FAM107B: variants seen among roughly 807,000 people sequenced by gnomAD.
FAM107B encodes family with sequence similarity 107 member B, also known as protein FAM107B.
FAM107B carries 21 observed loss-of-function variants against 31.5 expected under a neutral mutation model. The observed-to-expected ratio is 0.67, with a 90% confidence interval of 0.47 to 0.96. The LOEUF is 0.96. Among genes scored for constraint, FAM107B ranks in the 40% least tolerant of loss-of-function variants. The pLI is 0.00. For missense variants in FAM107B, 452 were observed against 377.1 expected (o/e 1.20, Z -1.64); for synonymous variants, 157 against 141.5 (o/e 1.11, Z -0.78).
At chr10:14,551,684 A>G (rs1437065729) in intron 2 of FAM107B, among the ~76,000 whole-genome samples, 1 of 116,356 alleles carries the variant, frequency 8.6e-6, no homozygotes, top group African/African-American at 3.1e-5. Flanking sequence ...AAAATGTATT[A>G]GCTCTGGAAA....
At chr10:14,641,228 A>G (rs996750830) in intron 2 of FAM107B, among the ~76,000 whole-genome samples, 1 of 152,254 alleles carries the variant, frequency 6.6e-6, no homozygotes, top group African/African-American at 2.4e-5. Flanking sequence ...TAACAGCTAC[A>G]ATTTCCAAGC....
intron 1 of FAM107B, among the ~76,000 whole-genome samples, chr10:14,745,050 A>G (rs546727090): frequency 2.6e-5 from 4 of 152,338 alleles, no homozygotes; most frequent in African/African-American, 9.6e-5. Context: ...ATATGTGTCC[A>G]GGAATTTATC....
intron 1 of FAM107B, among the ~76,000 whole-genome samples, chr10:14,756,398 AT>A (rs1279570128): frequency 6.6e-6 from 1 of 152,246 alleles, no homozygotes; most frequent in African/African-American, 2.4e-5. Flanking sequence ...AACATCTACA[AT>A]CAGCTGACTT....
At chr10:14,541,465 G>A (rs898124961) in intron 2 of FAM107B, among the ~76,000 whole-genome samples, 1 of 152,176 alleles carries the variant, frequency 6.6e-6, no homozygotes, top group Admixed American at 6.5e-5. Flanking sequence ...CTCTGCTTCC[G>A]ATTTCCTCCT....
intron 2 of FAM107B, among the ~76,000 whole-genome samples, chr10:14,611,599 A>G (rs1852729383): frequency 6.6e-6 from 1 of 150,890 alleles, no homozygotes; most frequent in Non-Finnish European, 1.5e-5. Flanking sequence ...GGCTAGGACT[A>G]AAGAGATCTG....
intron 3 of FAM107B, among the ~76,000 whole-genome samples, chr10:14,528,679 T>G (rs77424890): frequency 0.019 from 2,874 of 152,130 alleles, 90 homozygotes; most frequent in African/African-American, 0.066. Context: ...AACCCAGCAT[T>G]GTCTCAGGTT....
At chr10:14,734,488 G>GTGTTTTTGTTTTTTGTT (rs558940939) in intron 1 of FAM107B, among the ~76,000 whole-genome samples, 4 of 138,562 alleles carry the variant, frequency 2.9e-5, no homozygotes, top group South Asian at 4.6e-4. Flanking sequence ...TTTTTGTGAG[G>GTGTTTTTGTTTTTTGTT]TTTTTTTTTT....
At chr10:14,763,566 C>T (rs1448289444) in intron 1 of FAM107B, among the ~76,000 whole-genome samples, 2 of 152,170 alleles carry the variant, frequency 1.3e-5, no homozygotes, top group Non-Finnish European at 2.9e-5. Flanking sequence ...TATAGAGACG[C>T]AAGTCTTACG....
At chr10:14,746,583 G>A (rs551576245) in intron 1 of FAM107B, among the ~76,000 whole-genome samples, 93 of 152,302 alleles carry the variant, frequency 6.1e-4, no homozygotes, top group African/African-American at 2.1e-3. Context: ...AAAATTCTGG[G>A]TTGGAAATTC....
At chr10:14,573,602 G>A (rs1018918831) in intron 2 of FAM107B, among the ~76,000 whole-genome samples, 4 of 149,194 alleles carry the variant, frequency 2.7e-5, no homozygotes, top group Non-Finnish European at 4.5e-5. Flanking sequence ...AAATTAGCAG[G>A]ACATGGTGGA....
chr10:14,761,033 AAAAG>A (rs1301115923), intron 1 of FAM107B, among the ~76,000 whole-genome samples: 11 of 150,870 alleles, frequency 7.3e-5, no homozygotes, highest in African/African-American at 2.7e-4. Context: ...AAAAAAAAAA[AAAAG>A]AAAGACATAT....
intron 2 of FAM107B, among the ~76,000 whole-genome samples, chr10:14,551,963 C>A (rs150856673): frequency 1.3e-5 from 2 of 152,152 alleles, no homozygotes; most frequent in Non-Finnish European, 2.9e-5. Context: ...CTACTTTTGC[C>A]ACACATTTAG....
chr10:14,767,051 TATATAGAGAGAGAGAGAGAG>T (rs1195537342), intron 1 of FAM107B, among the ~76,000 whole-genome samples: 62 of 31,812 alleles, frequency 1.9e-3, no homozygotes, highest in African/African-American at 6.5e-3. Flanking sequence ...TATATATATA[TATATAGAGAGAGAGAGAGAG>T]AGAGAGAGAG....
intron 2 of FAM107B, among the ~76,000 whole-genome samples, chr10:14,567,090 T>G (rs1189854864): frequency 6.6e-6 from 1 of 152,268 alleles, no homozygotes; most frequent in East Asian, 1.9e-4. Context: ...GAGGCGGAGC[T>G]TGCAGTGAGC....
At chr10:14,712,200 A>G (rs531847255) in intron 1 of FAM107B, among the ~76,000 whole-genome samples, 12 of 152,294 alleles carry the variant, frequency 7.9e-5, no homozygotes, top group East Asian at 7.7e-4. Context: ...TGTGATTATT[A>G]CCCATTGCGT....
At chr10:14,564,297 C>A (rs753680578) in intron 2 of FAM107B, among the ~76,000 whole-genome samples, 1 of 152,074 alleles carries the variant, frequency 6.6e-6, no homozygotes. Flanking sequence ...AGACGTTGAG[C>A]AGATCAGCGG....
chr10:14,542,015 T>G (rs180706088), intron 2 of FAM107B, among the ~76,000 whole-genome samples: 144 of 152,204 alleles, frequency 9.5e-4, no homozygotes, highest in African/African-American at 3.4e-3. Flanking sequence ...CCATCACTTT[T>G]GAGAGGCTGA....
chr10:14,702,551 T>C (rs989821813), intron 1 of FAM107B, among the ~76,000 whole-genome samples: 4 of 152,318 alleles, frequency 2.6e-5, no homozygotes, highest in African/African-American at 9.6e-5. Context: ...GGTTTCACCA[T>C]GTTGGCCAGG....
At chr10:14,634,385 G>C (rs1853444157) in intron 2 of FAM107B, among the ~76,000 whole-genome samples, 1 of 144,898 alleles carries the variant, frequency 6.9e-6, no homozygotes, top group Admixed American at 7.0e-5. Context: ...GGACCACAGA[G>C]CGAGACTCTG....
Sources: allele counts gnomAD v4.1 joint callset (sites outside exome capture counted in the v4.1 genomes callset), GRCh38; gene constraint gnomAD v4.1.1; transcripts MANE v1.5; gene names NCBI Gene and HGNC (gene_info 2026-07-23, HGNC 2026-07-21).